The following EEIG2 variants were observed in gnomAD, a reference collection of about 807,000 sequenced individuals.
EEIG2 encodes the protein EEIG family member 2.
At chr1:108,575,969 G>A in the EEIG2 span, among the ~76,000 whole-genome samples, 10 of 152,132 alleles carry the variant, frequency 6.6e-5, no homozygotes, top group African/African-American at 2.4e-4. Context: ...GATATGATAT[G>A]TGAATTATAT....
At chr1:108,618,087 G>A in the EEIG2 span, among the ~76,000 whole-genome samples, 1 of 152,108 alleles carries the variant, frequency 6.6e-6, no homozygotes. Context: ...GAGAGGATTT[G>A]GAGTAGGGCA....
the EEIG2 span, among the ~76,000 whole-genome samples, chr1:108,629,065 A>G: frequency 6.6e-6 from 1 of 152,204 alleles, no homozygotes; most frequent in East Asian, 1.9e-4. Flanking sequence ...TTATGCCTAG[A>G]TGTCTACAGC....
chr1:108,633,221 T>C, the EEIG2 span, among the ~76,000 whole-genome samples: 17 of 152,310 alleles, frequency 1.1e-4, no homozygotes, highest in South Asian at 3.5e-3. Context: ...GCCTATAAAA[T>C]GAGAGTGATA....
the EEIG2 span, among the ~76,000 whole-genome samples, chr1:108,577,816 T>C: frequency 6.7e-6 from 1 of 149,144 alleles, no homozygotes; most frequent in East Asian, 2.0e-4. Flanking sequence ...TTTAAAGTAG[T>C]TTTTTCCAAT....
the EEIG2 span, among the ~76,000 whole-genome samples, chr1:108,598,101 GT>G: frequency 7.9e-5 from 12 of 152,082 alleles, no homozygotes; most frequent in Non-Finnish European, 1.5e-4. Flanking sequence ...GGAGATCGAG[GT>G]GGCCAGATTG....
chr1:108,604,598 T>C, the EEIG2 span, among the ~76,000 whole-genome samples: 1 of 152,018 alleles, frequency 6.6e-6, no homozygotes, highest in East Asian at 1.9e-4. Flanking sequence ...TGTGGTGCCA[T>C]GGAAGTTTAG....
At chr1:108,624,827 G>T in the EEIG2 span, 1 of 1,145,098 alleles carries the variant, frequency 8.7e-7, no homozygotes, top group East Asian at 2.4e-5. Context: ...GAATTGTGTG[G>T]GTATTTGACT....
the EEIG2 span, among the ~76,000 whole-genome samples, chr1:108,634,086 G>A: frequency 2.6e-5 from 4 of 152,030 alleles, no homozygotes; most frequent in African/African-American, 4.8e-5. Context: ...TATTCTATCC[G>A]GTTTTCTAAT....
At chr1:108,571,374 T>C in the EEIG2 span, among the ~76,000 whole-genome samples, 1 of 152,062 alleles carries the variant, frequency 6.6e-6, no homozygotes, top group Middle Eastern at 3.4e-3. Context: ...GGTTAGACAA[T>C]AAGAGGAGTG....
At chr1:108,588,934 T>C in the EEIG2 span, among the ~76,000 whole-genome samples, 62 of 152,230 alleles carry the variant, frequency 4.1e-4, no homozygotes, top group South Asian at 3.1e-3. Flanking sequence ...TTTTGTAATA[T>C]AGAAGATTAT....
chr1:108,573,783 C>G, the EEIG2 span, among the ~76,000 whole-genome samples: 1 of 152,170 alleles, frequency 6.6e-6, no homozygotes. Context: ...AGGTATACAG[C>G]ATCACTTATC....
chr1:108,618,301 G>T, the EEIG2 span, among the ~76,000 whole-genome samples: 1 of 152,130 alleles, frequency 6.6e-6, no homozygotes, highest in Non-Finnish European at 1.5e-5. Flanking sequence ...TTCTTTTCCA[G>T]TTGCTTCTGA....
At chr1:108,611,836 T>C in the EEIG2 span, among the ~76,000 whole-genome samples, 1 of 152,214 alleles carries the variant, frequency 6.6e-6, no homozygotes, top group Non-Finnish European at 1.5e-5. Context: ...GTGGTGTAAA[T>C]ACCACTATTT....
At chr1:108,593,257 C>A in the EEIG2 span, among the ~76,000 whole-genome samples, 1 of 152,210 alleles carries the variant, frequency 6.6e-6, no homozygotes, top group Non-Finnish European at 1.5e-5. Flanking sequence ...GGCTCTGCAC[C>A]ATCATCACAT....
At chr1:108,594,285 G>C in the EEIG2 span, among the ~76,000 whole-genome samples, 24 of 152,298 alleles carry the variant, frequency 1.6e-4, no homozygotes, top group East Asian at 3.7e-3. Flanking sequence ...AATATTGTAA[G>C]AATGTATAAG....
the EEIG2 span, chr1:108,635,894 T>TA: frequency 3.3e-5 from 5 of 152,386 alleles, no homozygotes; most frequent in East Asian, 9.6e-4. Context: ...GTTTAACACT[T>TA]ACTGTGTTGG....
chr1:108,577,841 C>A, the EEIG2 span, among the ~76,000 whole-genome samples: 1 of 150,608 alleles, frequency 6.6e-6, no homozygotes, highest in African/African-American at 2.4e-5. Flanking sequence ...TGAAGAAAGT[C>A]ATTGGTAGCT....
the EEIG2 span, chr1:108,612,162 C>G: frequency 2.6e-6 from 4 of 1,564,210 alleles, no homozygotes; most frequent in Non-Finnish European, 2.6e-6. Context: ...TAATATAATT[C>G]TCTTTCTTTT....
chr1:108,568,220 A>G, the EEIG2 span, among the ~76,000 whole-genome samples: 1 of 152,200 alleles, frequency 6.6e-6, no homozygotes, highest in Non-Finnish European at 1.5e-5. Context: ...ATTGAAAGAA[A>G]GCAAATATTG....
Sources: allele counts gnomAD v4.1 joint callset (sites outside exome capture counted in the v4.1 genomes callset), GRCh38; gene constraint gnomAD v4.1.1; transcripts MANE v1.5; gene names NCBI Gene and HGNC (gene_info 2026-07-23, HGNC 2026-07-21).